KLF8: variants seen among roughly 807,000 people sequenced by gnomAD.
KLF8 encodes KLF transcription factor 8, also known as Krueppel-like factor 8.
A neutral mutation model predicts 18.2 loss-of-function variants in KLF8; 10 were observed. The observed-to-expected ratio is 0.55, with a 90% CI of 0.34 to 0.93. The LOEUF (loss-of-function observed/expected upper bound fraction) is 0.93. Among genes scored for constraint, KLF8 ranks in the 40% least tolerant of loss-of-function variants. The pLI is 0.02. For missense variants in KLF8, 264 were observed against 277.9 expected, an observed-to-expected ratio of 0.95 and a Z score of 0.36; for synonymous variants, 109 against 97.3, an observed-to-expected ratio of 1.12 and a Z score of -0.71.
the KLF8 span, among the ~76,000 whole-genome samples, chrX:56,100,395 T>C: frequency 8.9e-6 from 1 of 111,925 alleles, no homozygotes; most frequent in Non-Finnish European, 1.9e-5. Context: ...TTTGTATGGC[T>C]AAGACAACAT....
chrX:56,082,238 G>A, the KLF8 span, among the ~76,000 whole-genome samples: 1 of 111,615 alleles, frequency 9.0e-6, no homozygotes, highest in East Asian at 2.8e-4. Flanking sequence ...CTTCGTTGGT[G>A]TACAATTGTT....
chrX:56,024,016 A>G, the KLF8 span, among the ~76,000 whole-genome samples: 1 of 111,788 alleles, frequency 8.9e-6, no homozygotes, highest in African/African-American at 3.2e-5. Flanking sequence ...ATCAGAGGAT[A>G]TATACATTTT....
the KLF8 span, among the ~76,000 whole-genome samples, chrX:56,012,513 G>A: frequency 1.8e-5 from 2 of 111,989 alleles, no homozygotes; most frequent in African/African-American, 6.5e-5. Context: ...ATAGCTGGAA[G>A]CATTCCCTTT....
the KLF8 span, among the ~76,000 whole-genome samples, chrX:55,954,924 A>T: frequency 1.8e-5 from 2 of 111,746 alleles, no homozygotes; most frequent in Admixed American, 9.5e-5. Context: ...ATGTTGTATG[A>T]TTCTATGTAT....
the KLF8 span, among the ~76,000 whole-genome samples, chrX:56,058,032 C>T: frequency 2.9e-5 from 3 of 103,194 alleles, no homozygotes; most frequent in African/African-American, 7.1e-5. Context: ...CAAGTCCCCG[C>T]GTGGAGTAGC....
the KLF8 span, among the ~76,000 whole-genome samples, chrX:56,009,362 G>C: frequency 1.3e-4 from 15 of 111,280 alleles, no homozygotes; most frequent in South Asian, 5.4e-3. Flanking sequence ...GTGGAAGAGA[G>C]GCCTGACTGT....
the KLF8 span, among the ~76,000 whole-genome samples, chrX:55,987,887 G>A: frequency 9.0e-5 from 10 of 111,439 alleles, no homozygotes; most frequent in South Asian, 3.8e-4. Flanking sequence ...TTTAACGATC[G>A]CCATTCTAAC....
chrX:56,187,405 C>T, the KLF8 span, among the ~76,000 whole-genome samples: 5 of 111,306 alleles, frequency 4.5e-5, no homozygotes, highest in Non-Finnish European at 9.4e-5. Context: ...AAAAAGAGTC[C>T]ACGACCAGAT....
chrX:56,092,557 A>G, the KLF8 span, among the ~76,000 whole-genome samples: 46 of 111,181 alleles, frequency 4.1e-4, no homozygotes, highest in Admixed American at 2.1e-3. Flanking sequence ...TCCTTTCCCC[A>G]GTGTAAATTC....
intron 5 of KLF8, among the ~76,000 whole-genome samples, chrX:56,276,540 T>G (rs2067125768): frequency 9.0e-6 from 1 of 111,670 alleles, no homozygotes; most frequent in South Asian, 3.8e-4. Context: ...GGGCAAAAGT[T>G]TTTTTCCCTT....
the KLF8 span, among the ~76,000 whole-genome samples, chrX:56,210,135 G>A: frequency 1.8e-5 from 2 of 111,829 alleles, no homozygotes; most frequent in Admixed American, 1.9e-4. Flanking sequence ...ACTATTACCA[G>A]TGAGTTTTGT....
the KLF8 span, among the ~76,000 whole-genome samples, chrX:55,914,896 G>T: frequency 9.0e-6 from 1 of 111,280 alleles, no homozygotes; most frequent in Non-Finnish European, 1.9e-5. Context: ...ATACCCGAAA[G>T]CTATTCTTTA....
chrX:55,980,850 C>T, the KLF8 span, among the ~76,000 whole-genome samples: 1 of 112,168 alleles, frequency 8.9e-6, no homozygotes. Flanking sequence ...GCTTCTCCCC[C>T]CCTCCATAGC....
At chrX:55,990,409 C>G in the KLF8 span, among the ~76,000 whole-genome samples, 2,727 of 112,121 alleles carry the variant, frequency 0.024, 73 homozygotes, top group African/African-American at 0.085. Context: ...TGTCTTTGTT[C>G]TCATTGGTTT....
At chrX:56,021,804 T>C in the KLF8 span, among the ~76,000 whole-genome samples, 1 of 110,425 alleles carries the variant, frequency 9.1e-6, no homozygotes, top group Non-Finnish European at 1.9e-5. Flanking sequence ...TTGATATGTA[T>C]CTAAATATAT....
chrX:56,061,186 T>G, the KLF8 span, among the ~76,000 whole-genome samples: 1 of 111,734 alleles, frequency 8.9e-6, no homozygotes, highest in Non-Finnish European at 1.9e-5. Context: ...CTGATCTTAG[T>G]TATTTCTTGT....
the KLF8 span, among the ~76,000 whole-genome samples, chrX:56,051,198 C>T: frequency 9.0e-6 from 1 of 111,515 alleles, no homozygotes; most frequent in Non-Finnish European, 1.9e-5. Context: ...ATACAGCATA[C>T]TGATGGGTCT....
the KLF8 span, among the ~76,000 whole-genome samples, chrX:55,981,926 C>G: frequency 8.9e-6 from 1 of 111,838 alleles, no homozygotes; most frequent in East Asian, 2.8e-4. Flanking sequence ...GAGGGTAGCA[C>G]AGCTTTTGGA....
At chrX:56,050,346 T>G in the KLF8 span, among the ~76,000 whole-genome samples, 2 of 112,128 alleles carry the variant, frequency 1.8e-5, no homozygotes, top group Non-Finnish European at 3.8e-5. Flanking sequence ...TCTAGTTCTT[T>G]TAATTGTGAT....
Sources: gnomAD v4.1 joint callset for allele counts (sites outside exome capture counted in the v4.1 genomes callset) on GRCh38, gnomAD v4.1.1 for gene constraint, MANE v1.5 for transcripts, NCBI Gene and HGNC (gene_info 2026-07-23, HGNC 2026-07-21) for gene names.